Variants in NME9 observed in about 807,000 individuals in gnomAD.
NME9 encodes the protein thioredoxin domain-containing protein 6.
Under a neutral mutation model 44.4 loss-of-function variants are expected in NME9, and 48 were observed. The ratio of observed to expected loss-of-function variants is 1.08; its 90% CI spans 0.86 to 1.37. The LOEUF is 1.37. Ranked by LOEUF, NME9 falls within the 40% of genes most tolerant of loss-of-function variation. The pLI is 0.00. For synonymous variants in NME9, 139 were observed against 147.1 expected (o/e 0.94, Z 0.40); for missense variants, 325 against 405.2 (o/e 0.80, Z 1.70).
intron 8 of NME9, chr3:138,263,884 G>C: frequency 7.2e-7 from 1 of 1,393,624 alleles, no homozygotes; most frequent in South Asian, 1.2e-5. Context: ...TTTCCTTTCT[G>C]GTCCTTCACT....
chr3:138,327,137 C>T (rs2053846189), intron 1 of NME9: 1 of 130,922 alleles, frequency 7.6e-6, no homozygotes, highest in South Asian at 2.4e-4. Context: ...GCCTGGGCGA[C>T]AGGACAGAAT....
At chr3:138,274,745 G>A (rs1317092498) in intron 8 of NME9, among the ~76,000 whole-genome samples, 3 of 152,094 alleles carry the variant, frequency 2.0e-5, no homozygotes, top group Non-Finnish European at 4.4e-5. Context: ...CATGACCAGC[G>A]TCTACAGTTT....
chr3:138,287,788 G>GA (rs2108373891), intron 8 of NME9: 1 of 403,556 alleles, frequency 2.5e-6, no homozygotes, highest in African/African-American at 2.1e-5. Context: ...TCTTAGCCTT[G>GA]AAAAAACCAT....
At chr3:138,271,798 C>CTTTCTTTTTTTTTTTTTTT (rs1018824241) in intron 8 of NME9, among the ~76,000 whole-genome samples, 10 of 136,132 alleles carry the variant, frequency 7.3e-5, no homozygotes, top group African/African-American at 2.6e-4. Flanking sequence ...TTTTTTCTTT[C>CTTTCTTTTTTTTTTTTTTT]TTTTTTTTTT....
At chr3:138,263,701 C>T in intron 8 of NME9, 1 of 1,526,446 alleles carries the variant, frequency 6.6e-7, no homozygotes, top group Non-Finnish European at 9.1e-7. Context: ...TTGTCACCTT[C>T]ATGTTGTTAT....
intron 8 of NME9, among the ~76,000 whole-genome samples, chr3:138,271,368 A>G (rs1300526687): frequency 6.6e-6 from 1 of 152,116 alleles, no homozygotes; most frequent in Non-Finnish European, 1.5e-5. Context: ...CAGGGACTTC[A>G]TCTCATAACA....
At chr3:138,317,196 C>T (rs1376831511) in intron 4 of NME9, among the ~76,000 whole-genome samples, 1 of 152,254 alleles carries the variant, frequency 6.6e-6, no homozygotes, top group Admixed American at 6.5e-5. Context: ...CTTCTCCCTC[C>T]TTTCCTCCCA....
intron 8 of NME9, chr3:138,264,301 A>G (rs957242226): frequency 3.9e-5 from 37 of 954,838 alleles, no homozygotes; most frequent in Non-Finnish European, 5.5e-5. Context: ...GTCTAGGAGT[A>G]TGTCTGATTT....
chr3:138,289,200 G>T (rs2050715538), intron 8 of NME9: 1 of 1,106,252 alleles, frequency 9.0e-7, no homozygotes, highest in Non-Finnish European at 1.3e-6. Flanking sequence ...GTGCCCCTGA[G>T]ATCCTGGGCA....
At chr3:138,281,269 T>G (rs896496786) in intron 8 of NME9, among the ~76,000 whole-genome samples, 10 of 151,522 alleles carry the variant, frequency 6.6e-5, no homozygotes, top group African/African-American at 2.2e-4. Flanking sequence ...ACATATTCAA[T>G]GAGTTGGCCC....
chr3:138,279,908 CT>C (rs888601409), intron 8 of NME9, among the ~76,000 whole-genome samples: 3 of 148,848 alleles, frequency 2.0e-5, no homozygotes, highest in Admixed American at 6.7e-5. Context: ...TTGGTAATTC[CT>C]TTTTTTTTTC....
intron 8 of NME9, among the ~76,000 whole-genome samples, chr3:138,266,405 T>G (rs2048290015): frequency 6.6e-6 from 1 of 152,122 alleles, no homozygotes; most frequent in Non-Finnish European, 1.5e-5. Flanking sequence ...TCCAAAACTG[T>G]TGGGGCCAGA....
At chr3:138,308,945 G>GAAAAAAAA (rs1002890235) in intron 6 of NME9, among the ~76,000 whole-genome samples, 27 of 52,888 alleles carry the variant, frequency 5.1e-4, no homozygotes, top group African/African-American at 1.2e-3. Context: ...AATACTGAAA[G>GAAAAAAAA]AAAAAAAAAA....
intron 8 of NME9, among the ~76,000 whole-genome samples, chr3:138,283,258 A>G (rs1264976202): frequency 2.0e-5 from 3 of 152,244 alleles, no homozygotes; most frequent in Non-Finnish European, 4.4e-5. Flanking sequence ...GGGCCACTGC[A>G]AGAAAACAAT....
In NME9 at chr3:138,318,180, CTCT is replaced by C. The variant is rs756995173; in HGVS notation, c.232_234del (p.Arg78del). On this transcript the variant is annotated inframe_deletion, in exon 4 of 11. Coordinates refer to ENST00000333911, the MANE Select transcript of NME9 (RefSeq NM_001349018.2). ...AACAGAAAGGTTGGCTCGCACTTCC[CTCT>C]GTACTTTTCGAGGACATCAAGACGA... The C allele has an allele frequency of 5.0e-5, 80 of 1,612,596 alleles. No homozygotes were observed. Among genetic ancestry groups the C allele is most frequent in the Admixed American group, 6.7e-5 (4 of 60,008 alleles).
intron 8 of NME9, among the ~76,000 whole-genome samples, chr3:138,290,104 A>C (rs995394390): frequency 6.6e-6 from 1 of 152,244 alleles, no homozygotes; most frequent in Non-Finnish European, 1.5e-5. Context: ...GGCAACAAAA[A>C]GTGCTGGGAG....
intron 1 of NME9, among the ~76,000 whole-genome samples, chr3:138,327,628 C>G (rs1053728505): frequency 3.3e-5 from 5 of 152,118 alleles, no homozygotes; most frequent in African/African-American, 1.2e-4. Context: ...ATAAAGGGAA[C>G]CCTGAATAAC....
At chr3:138,311,783 C>G (rs2052721494) in intron 6 of NME9, among the ~76,000 whole-genome samples, 1 of 152,134 alleles carries the variant, frequency 6.6e-6, no homozygotes, top group African/African-American at 2.4e-5. Context: ...CAGCCAGCAT[C>G]ATAGTGAATG....
chr3:138,324,586 C>A (rs1300438070), intron 2 of NME9: 1 of 519,306 alleles, frequency 1.9e-6, no homozygotes, highest in Admixed American at 2.3e-5. Context: ...ATGCATTCTC[C>A]TTTAGTGCCT....
Sources: gnomAD v4.1 joint callset for allele counts (sites outside exome capture counted in the v4.1 genomes callset) on GRCh38, gnomAD v4.1.1 for gene constraint, MANE v1.5 for transcripts, NCBI Gene and HGNC (gene_info 2026-07-23, HGNC 2026-07-21) for gene names.